Variants in TRRAP observed in about 807,000 individuals in gnomAD.
TRRAP encodes transformation/transcription domain associated protein, also known as transformation/transcription domain-associated protein.
In TRRAP, 41 loss-of-function variants were observed where a neutral mutation model predicts 438.8. The ratio of observed to expected loss-of-function variants is 0.09; its 90% CI spans 0.07 to 0.12. The LOEUF is 0.12. Ranked by LOEUF, TRRAP falls within the 10% of genes least tolerant of loss-of-function variation. The pLI is 1.00. For synonymous variants in TRRAP, 1,994 were observed against 1,962.9 expected (o/e 1.02, Z -0.42); for missense variants, 3,122 against 5,055.1 (o/e 0.62, Z 11.60).
chr7:98,967,175 A>C lies in TRRAP; in HGVS notation c.7298+13A>C. On this transcript the variant is annotated intron_variant, in intron 50 of 72. Transcript: ENST00000456197. ...ACTATGTCTACAGGTAATTACAGCAATTAATCAAGTACTACATATATTGGT... is the reference window on the plus strand; with the variant it reads ...ACTATGTCTACAGGTAATTACAGCACTTAATCAAGTACTACATATATTGGT... 1 of 1,612,036 alleles carries C rather than the reference A, an allele frequency of 6.2e-7. No individual in the cohort carries two copies. The highest frequency in any genetic ancestry group is 8.5e-7 in the Non-Finnish European group (1 of 1,179,148).
intron 53 of TRRAP, among the ~76,000 whole-genome samples, chr7:98,973,613 G>A (rs558597280): frequency 5.9e-5 from 9 of 152,358 alleles, no homozygotes; most frequent in African/African-American, 2.2e-4. Flanking sequence ...AGATCTCACA[G>A]AAAATCTTGC....
At position 99,011,250 on chromosome 7, in the gene TRRAP, G is replaced by A. The variant is rs904959628; in HGVS notation, c.11137G>A (p.Ala3713Thr). The change falls in exon 71 of 73, where the codon GCT (alanine) becomes ACT (threonine). Residue 3713 changes from alanine to threonine, a missense_variant. Ala to Thr is a moderately conservative substitution (Grantham distance 58, BLOSUM62 0). Transcript: ENST00000456197. This position sits in a 1 kb window ranked among gnomAD's most constrained non-coding sequence, Gnocchi z 7.1. ...NRLNPEMLQIAQDTGKLNVAY... is the reference protein window; with the variant it reads ...NRLNPEMLQITQDTGKLNVAY... ...ACTCAACCCCGAGATGTTACAGATCGCTCAGGTAACCTGCTTTGAACAGCC... is the reference window on the plus strand; with the variant it reads ...ACTCAACCCCGAGATGTTACAGATCACTCAGGTAACCTGCTTTGAACAGCC... 11 of 1,614,028 alleles carry A rather than the reference G, an allele frequency of 6.8e-6. No individual in the cohort carries two copies. The African/African-American group carries it at 9.3e-5, about 14-fold the overall frequency.
At chr7:98,886,774 A>T (rs1338432234) in intron 3 of TRRAP, among the ~76,000 whole-genome samples, 1 of 152,210 alleles carries the variant, frequency 6.6e-6, no homozygotes, top group Non-Finnish European at 1.5e-5. Context: ...TAAATGGGCC[A>T]TCTTTCAAGA....
At position 98,961,455 on chromosome 7, in the gene TRRAP, C is replaced by T. The variant is rs1271139212; in HGVS notation, c.6684C>T (p.Ser2228=). The T allele has an allele frequency of 1.9e-6, 3 of 1,614,086 alleles. No individual in the cohort carries two copies. The highest frequency in any genetic ancestry group is 2.5e-6 in the Non-Finnish European group (3 of 1,180,052). The change falls in exon 46 of 73, where the codon AGC becomes AGT. Residue 2228 remains serine (S), a synonymous_variant. Transcript: ENST00000456197. ...ACAGCCTTCTCTCGCGCCTGATGAG[C>T]ATTTTCCCAACAGAGCCGAGTATGT... is the stretch of plus-strand genomic sequence containing the variant. ...AVHSLLSRLM[S]IFPTEPSTSS...
At chr7:99,009,578 G>A (rs1794340198) in intron 70 of TRRAP, among the ~76,000 whole-genome samples, 1 of 152,218 alleles carries the variant, frequency 6.6e-6, no homozygotes, top group Non-Finnish European at 1.5e-5. Context: ...TGTGGCACAG[G>A]CCATGGCCTG....
intron 65 of TRRAP, 26 bp from the exon 66 acceptor site, chr7:98,993,512 A>G: frequency 1.9e-6 from 3 of 1,604,478 alleles, no homozygotes; most frequent in Non-Finnish European, 2.5e-6. Flanking sequence ...TTGCGCTGAC[A>G]CTGGCGTTGT....
chr7:98,961,168 T>C, intron 45 of TRRAP, 93 bp from the exon 46 acceptor site: 1 of 1,166,306 alleles, frequency 8.6e-7, no homozygotes, highest in Non-Finnish European at 1.3e-6. Context: ...AAATAATTAA[T>C]CCAGTGCTAG....
chr7:98,882,789 G>C (rs1260750884), intron 3 of TRRAP, among the ~76,000 whole-genome samples: 1 of 151,732 alleles, frequency 6.6e-6, no homozygotes, highest in Non-Finnish European at 1.5e-5. Context: ...AGCCTCCCAA[G>C]TAGTTGGGAT....
At chr7:98,989,960 G>T (rs1793318022) in intron 63 of TRRAP, among the ~76,000 whole-genome samples, 1 of 152,214 alleles carries the variant, frequency 6.6e-6, no homozygotes, top group Non-Finnish European at 1.5e-5. Context: ...GGGAGTGGTG[G>T]CTCACGCTTG....
chr7:99,000,716 TG>T (rs1309446329), intron 67 of TRRAP, among the ~76,000 whole-genome samples: 1 of 152,202 alleles, frequency 6.6e-6, no homozygotes, highest in Non-Finnish European at 1.5e-5. Context: ...CTGTGAGCAA[TG>T]GGCCAGCCTG....
In TRRAP at chr7:98,984,928, C is replaced by G. The variant is rs761434736; in HGVS notation, c.9289-16C>G. On this transcript the variant is annotated splice_polypyrimidine_tract_variant and intron_variant, in intron 61 of 72. Coordinates refer to ENST00000456197, the MANE Select transcript of TRRAP (RefSeq NM_001375524.1). Reference sequence around the variant, plus strand: ...AAATTTCAAGAACTTTTTTTCTGCTCATTTTTTTTGAACAGGGCCTTGAAG... The same window carrying G: ...AAATTTCAAGAACTTTTTTTCTGCTGATTTTTTTTGAACAGGGCCTTGAAG... The G allele has an allele frequency of 8.3e-6, 13 of 1,560,504 alleles. No homozygotes were observed. The highest frequency in any genetic ancestry group is 1.1e-5 in the Non-Finnish European group (13 of 1,143,944).
At chr7:98,979,701 C>T (rs1056790267) in intron 58 of TRRAP, among the ~76,000 whole-genome samples, 9 of 152,166 alleles carry the variant, frequency 5.9e-5, no homozygotes, top group African/African-American at 2.2e-4. Flanking sequence ...ATATATGCAG[C>T]GTCACATGGT....
At chr7:98,974,274 T>C (rs547199779) in intron 53 of TRRAP, among the ~76,000 whole-genome samples, 1 of 152,300 alleles carries the variant, frequency 6.6e-6, no homozygotes, top group South Asian at 2.1e-4. Context: ...ATCATTGTGT[T>C]TGTTGTTTCC....
At chr7:98,887,309 T>C (rs551679153) in intron 3 of TRRAP, among the ~76,000 whole-genome samples, 1 of 152,354 alleles carries the variant, frequency 6.6e-6, no homozygotes, top group Non-Finnish European at 1.5e-5. Flanking sequence ...GTTTGACTTC[T>C]TGATAACCTG....
At chr7:98,960,366 CTT>C (rs1791833096) in intron 45 of TRRAP, among the ~76,000 whole-genome samples, 1 of 152,260 alleles carries the variant, frequency 6.6e-6, no homozygotes, top group African/African-American at 2.4e-5. Context: ...GATTTGGAAA[CTT>C]TTGCTATTGA....
chr7:98,993,530 G>A lies in TRRAP; in HGVS notation c.9848-8G>A, dbSNP rs1246194206. 4.4e-6 allele frequency: 7 copies of A among 1,608,060 alleles called. No individual in the cohort carries two copies. Among genetic ancestry groups the A allele is most frequent in the East Asian group, 4.5e-5 (2 of 44,878 alleles). On this transcript the variant is annotated splice_region_variant and splice_polypyrimidine_tract_variant and intron_variant, in intron 65 of 72. Transcript: ENST00000456197. ...CGCTGACACTGGCGTTGTGTGTGTT[G>A]CTCTCAGATTCTGGACAGCAGCAGC... is the stretch of plus-strand genomic sequence containing the variant.
chr7:98,920,421 G>A (rs1160542273), intron 20 of TRRAP, among the ~76,000 whole-genome samples: 1 of 151,008 alleles, frequency 6.6e-6, no homozygotes, highest in Non-Finnish European at 1.5e-5. Flanking sequence ...AGTGAGCCGA[G>A]ATTGCACCAC....
intron 3 of TRRAP, among the ~76,000 whole-genome samples, chr7:98,886,325 GAGAT>G (rs1412772050): frequency 7.3e-5 from 11 of 150,386 alleles, no homozygotes; most frequent in African/African-American, 2.2e-4. Flanking sequence ...TATATAGATA[GAGAT>G]AGATATAGAT....
At chr7:98,933,088 A>G (rs955930212) in intron 26 of TRRAP, among the ~76,000 whole-genome samples, 153 bp from the exon 27 acceptor site, 3 of 151,710 alleles carry the variant, frequency 2.0e-5, no homozygotes, top group African/African-American at 7.3e-5. Flanking sequence ...CCTCTCCACG[A>G]CCGAGGTTTT....
Sources: allele counts gnomAD v4.1 joint callset (sites outside exome capture counted in the v4.1 genomes callset), GRCh38; gene constraint gnomAD v4.1.1; non-coding constraint Gnocchi (gnomAD v3.1); transcripts MANE v1.5; gene names NCBI Gene and HGNC (gene_info 2026-07-23, HGNC 2026-07-21).